Variants in TBC1D4 observed in about 807,000 individuals in gnomAD.
TBC1D4 encodes TBC (Tre-2, BUB2, CDC16) domain-containing protein.
A neutral mutation model predicts 142.5 loss-of-function variants in TBC1D4; 121 were observed. The observed-to-expected ratio is 0.85, with a 90% CI of 0.73 to 0.99. The LOEUF (loss-of-function observed/expected upper bound fraction) is 0.99, where lower values mean the gene tolerates loss of function less well. TBC1D4 is among the 50% of genes least tolerant of loss of function. The pLI, the probability that TBC1D4 is intolerant of heterozygous loss-of-function variation, is 0.00. For missense variants in TBC1D4, 1,475 were observed against 1,606.6 expected (o/e 0.92, Z 1.40); for synonymous variants, 630 against 628.2 (o/e 1.00, Z -0.04).
intron 8 of TBC1D4, among the ~76,000 whole-genome samples, chr13:75,330,501 A>G (rs1428411230): frequency 2.6e-5 from 4 of 152,224 alleles, no homozygotes; most frequent in Non-Finnish European, 4.4e-5. Context: ...TCCTCATACC[A>G]GTTGTGAGGT....
intron 1 of TBC1D4, among the ~76,000 whole-genome samples, chr13:75,398,228 T>A (rs574206919): frequency 1.2e-3 from 179 of 152,332 alleles, no homozygotes; most frequent in African/African-American, 4.2e-3. Context: ...TAAACGTTGT[T>A]ATCATTTTAA....
At position 75,372,070 on chromosome 13, in the gene TBC1D4, A is replaced by G. The variant is rs118116475; in HGVS notation, c.499-9463T>C. Among the ~76,000 whole-genome samples, 891 of 152,326 alleles carry G rather than the reference A, an allele frequency of 5.8e-3. 8 individuals carry two copies. Among genetic ancestry groups the G allele is most frequent in the Non-Finnish European group, 7.8e-3 (533 of 68,034 alleles). On this transcript the variant is annotated intron_variant, in intron 1 of 20. Transcript: ENST00000377636. ...AAAGCATCTCATAAACATGTAATCA[A>G]GAAAGTTAATGTTCCATTTTCTATA...
At chr13:75,474,207 A>C (rs1253147028) in intron 1 of TBC1D4, among the ~76,000 whole-genome samples, 2 of 152,242 alleles carry the variant, frequency 1.3e-5, no homozygotes, top group Non-Finnish European at 2.9e-5. Context: ...TGATAGTATA[A>C]AAGCTGATAA....
At chr13:75,327,003 T>C (rs1456140254) in intron 9 of TBC1D4, among the ~76,000 whole-genome samples, 2 of 152,202 alleles carry the variant, frequency 1.3e-5, no homozygotes, top group Non-Finnish European at 2.9e-5. Context: ...ACATGTTCCC[T>C]GAGGTAAATT....
intron 16 of TBC1D4, among the ~76,000 whole-genome samples, chr13:75,299,823 CAAAAAAAAAAAAA>C (rs56719877): frequency 2.8e-5 from 3 of 105,972 alleles, no homozygotes; most frequent in Non-Finnish European, 3.8e-5. Context: ...TTCTTTCCAG[CAAAAAAAAAAAAA>C]AAAAAAAAAA....
At chr13:75,402,698 G>T (rs1393266434) in intron 1 of TBC1D4, among the ~76,000 whole-genome samples, 1 of 93,908 alleles carries the variant, frequency 1.1e-5, no homozygotes, top group Non-Finnish European at 2.4e-5. Context: ...CACACACACA[G>T]TATCATGCAT....
At chr13:75,389,364 T>C (rs1327598733) in intron 1 of TBC1D4, among the ~76,000 whole-genome samples, 1 of 152,238 alleles carries the variant, frequency 6.6e-6, no homozygotes, top group African/African-American at 2.4e-5. Flanking sequence ...CTATTCATCA[T>C]ACTGTCTCTG....
intron 11 of TBC1D4, among the ~76,000 whole-genome samples, chr13:75,323,982 C>T (rs7329367): frequency 7.9e-5 from 12 of 152,060 alleles, no homozygotes; most frequent in African/African-American, 1.9e-4. Context: ...TTTGAGAAAA[C>T]GAAACACACA....
chr13:75,382,996 A>G lies in TBC1D4; in HGVS notation c.499-20389T>C, dbSNP rs17064319. On this transcript the variant is annotated intron_variant, in intron 1 of 20. Transcript: ENST00000377636. ...AGAATTCTATCTCTGTATACCCTTT[A>G]AGGGCAAGTTAAATGTCATGAACTC... Among the ~76,000 whole-genome samples the G allele has an allele frequency of 4.1e-3, 631 of 152,294 alleles. 5 individuals are homozygous for G. The highest frequency in any genetic ancestry group is 0.014 in the African/African-American group (597 of 41,552).
chr13:75,479,579 T>C (rs983036069), intron 1 of TBC1D4, among the ~76,000 whole-genome samples: 4 of 152,066 alleles, frequency 2.6e-5, no homozygotes, highest in Non-Finnish European at 5.9e-5. Flanking sequence ...CAATGTGTCA[T>C]GCATCAGATG....
chr13:75,331,546 A>C (rs1410162969), intron 8 of TBC1D4, among the ~76,000 whole-genome samples: 4 of 152,140 alleles, frequency 2.6e-5, no homozygotes, highest in African/African-American at 9.7e-5. Context: ...CTGTTTTGGA[A>C]AACAACTGAA....
intron 1 of TBC1D4, among the ~76,000 whole-genome samples, chr13:75,431,291 T>C (rs1224367811): frequency 6.6e-6 from 1 of 152,208 alleles, no homozygotes; most frequent in African/African-American, 2.4e-5. Flanking sequence ...GAGAAAACAG[T>C]TTCCATAACC....
chr13:75,399,578 C>T (rs187785593), intron 1 of TBC1D4, among the ~76,000 whole-genome samples: 1 of 152,238 alleles, frequency 6.6e-6, no homozygotes, highest in African/African-American at 2.4e-5. Flanking sequence ...ATTCTGGTAT[C>T]TGAGTCGGAG....
chr13:75,301,025 T>C (rs1035435112), intron 16 of TBC1D4, among the ~76,000 whole-genome samples: 3 of 152,138 alleles, frequency 2.0e-5, no homozygotes, highest in African/African-American at 7.2e-5. Flanking sequence ...CCTTTCCCAG[T>C]AAGAGCCATT....
intron 8 of TBC1D4, among the ~76,000 whole-genome samples, chr13:75,333,326 A>G (rs1346753115): frequency 4.6e-5 from 7 of 152,226 alleles, no homozygotes; most frequent in African/African-American, 1.7e-4. Flanking sequence ...ATGACTGTAC[A>G]ATGGCAGTAC....
chr13:75,436,805 T>G (rs1348434929), intron 1 of TBC1D4, among the ~76,000 whole-genome samples: 1 of 152,136 alleles, frequency 6.6e-6, no homozygotes, highest in African/African-American at 2.4e-5. Context: ...GTAAAAAAAT[T>G]TTATTAACCT....
intron 1 of TBC1D4, among the ~76,000 whole-genome samples, chr13:75,381,521 G>T (rs748248250): frequency 1.3e-4 from 20 of 152,174 alleles, no homozygotes; most frequent in Admixed American, 6.5e-5. Flanking sequence ...TCAAACTGTT[G>T]CTTCAACTTT....
At chr13:75,386,896 G>A (rs1387097747) in intron 1 of TBC1D4, among the ~76,000 whole-genome samples, 1 of 152,066 alleles carries the variant, frequency 6.6e-6, no homozygotes, top group Non-Finnish European at 1.5e-5. Flanking sequence ...AAAACCTGGT[G>A]TAGGTATTTT....
intron 14 of TBC1D4, among the ~76,000 whole-genome samples, chr13:75,306,766 C>G (rs1242922007): frequency 6.6e-6 from 1 of 152,092 alleles, no homozygotes; most frequent in Non-Finnish European, 1.5e-5. Context: ...CTATAATTTT[C>G]CATTTTTTGA....
Sources: gnomAD v4.1 joint callset for allele counts (sites outside exome capture counted in the v4.1 genomes callset) on GRCh38, gnomAD v4.1.1 for gene constraint, MANE v1.5 for transcripts, NCBI Gene and HGNC (gene_info 2026-07-23, HGNC 2026-07-21) for gene names.